Variants in LAD1 observed in about 807,000 individuals in gnomAD.
LAD1 encodes ladinin-1.
Under a neutral mutation model 54.2 loss-of-function variants are expected in LAD1, and 53 were observed. The ratio of observed to expected loss-of-function variants is 0.98; its 90% CI spans 0.78 to 1.23. The LOEUF is 1.23. LAD1 is among the 50% of genes most tolerant of loss of function. The pLI, the probability that LAD1 is intolerant of heterozygous loss-of-function variation, is 0.00. For missense variants in LAD1, 637 were observed against 653.3 expected (o/e 0.98, Z 0.27); for synonymous variants, 231 against 257.7 (o/e 0.90, Z 0.99).
intron 1 of LAD1, among the ~76,000 whole-genome samples, chr1:201,398,730 C>A (rs1433936785): frequency 1.3e-5 from 2 of 152,168 alleles, no homozygotes; most frequent in Non-Finnish European, 2.9e-5. Context: ...AGCCCAGATG[C>A]CACCCCAAAA....
chr1:201,386,226 G>A lies in LAD1; in HGVS notation c.1026+109C>T, dbSNP rs1246319641. The A allele has an allele frequency of 7.2e-6, 8 of 1,113,552 alleles. No homozygotes were observed. In the East Asian group the frequency reaches 1.9e-4, roughly 27 times the overall value. The allele number at this position is 1,113,552 out of a possible 1,614,324, so 69.0% of individuals were successfully genotyped here. On this transcript the variant is annotated intron_variant, in intron 3 of 9. Transcript: ENST00000391967. ...AGAGACTTCCAAGGCCAGCCTGCAG[G>A]TAGGAGGATGGAGGCAGCCAGGGAA... is the stretch of plus-strand genomic sequence containing the variant.
chr1:201,392,682 G>A (rs974553104), intron 1 of LAD1, among the ~76,000 whole-genome samples: 17 of 152,190 alleles, frequency 1.1e-4, no homozygotes, highest in African/African-American at 3.6e-4. Context: ...GGAGACCAGG[G>A]AAAGGACTTG....
chr1:201,386,864 G>A lies in LAD1; in HGVS notation c.497C>T (p.Pro166Leu). The change falls in exon 3 of 10, where the codon CCA becomes CTA. Residue 166 changes from proline to leucine, a missense_variant. By Grantham distance (98) the Pro-to-Leu change is moderately conservative (BLOSUM62 -3). Coordinates refer to ENST00000391967, the MANE Select transcript of LAD1 (RefSeq NM_005558.4). The part of the protein sequence containing the change: ...LEEESLVGRE[P>L]EERKKGVPEK... ...TGGAACCCCTTTCTTCCTCTCTTCT[G>A]GCTCCCTGCCCACCAAGCTCTCCTC... 3 of 1,610,864 alleles carry A rather than the reference G, an allele frequency of 1.9e-6. No homozygotes were observed. Among genetic ancestry groups the A allele is most frequent in the South Asian group, 1.1e-5 (1 of 90,884 alleles).
At chr1:201,388,558 C>G (rs1202263743) in intron 2 of LAD1, among the ~76,000 whole-genome samples, 27 of 150,814 alleles carry the variant, frequency 1.8e-4, no homozygotes, top group Admixed American at 1.8e-3. Context: ...TGGTGGGTGC[C>G]TGTAGTCCCA....
At chr1:201,387,330 C>G (rs1054203588) in intron 2 of LAD1, 152 bp from the exon 3 acceptor site, 2 of 663,052 alleles carry the variant, frequency 3.0e-6, no homozygotes, top group African/African-American at 3.6e-5. Context: ...TTTATCCACT[C>G]GATATATTGC....
At position 201,386,672 on chromosome 1, in the gene LAD1, T is replaced by A. The variant is rs1662095970; in HGVS notation, c.689A>T (p.Lys230Met). Residue 230 changes from lysine (K) to methionine (M), a missense_variant, in exon 3 of 10, where the codon AAG (lysine) becomes ATG (methionine). Transcript: ENST00000391967. ...VSEKRNSSEKKSVLEKTSVSE... is the reference protein window; with the variant it reads ...VSEKRNSSEKMSVLEKTSVSE... ...GACACTGGTTTTTTCTAGAACAGACTTCTTCTCTGAGCTGTTTCTTTTCTC... is the reference window on the plus strand; with the variant it reads ...GACACTGGTTTTTTCTAGAACAGACATCTTCTCTGAGCTGTTTCTTTTCTC... The A allele has an allele frequency of 6.2e-7, 1 of 1,614,202 alleles. No homozygotes were observed. Among genetic ancestry groups the A allele is most frequent in the Non-Finnish European group, 8.5e-7 (1 of 1,180,012 alleles).
At chr1:201,382,815 G>A (rs1661989794) in intron 7 of LAD1, 76 bp from the exon 8 acceptor site, 1 of 1,174,278 alleles carries the variant, frequency 8.5e-7, no homozygotes, top group Non-Finnish European at 1.2e-6. Context: ...CCTGGAATGG[G>A]ATAGGACTCT....
Position 201,384,852 on chromosome 1 carries a change from A to G in LAD1, c.1132-17T>C. The G allele has an allele frequency of 6.2e-7, 1 of 1,613,688 alleles. No individual in the cohort carries two copies. Among genetic ancestry groups the G allele is most frequent in the Non-Finnish European group, 8.5e-7 (1 of 1,179,946 alleles). ...GGGTTTCATCTGAAATGAGAAGGAA[A>G]GGCATTGTTGTGTGGGAGTCCCCGG... On this transcript the variant is annotated splice_polypyrimidine_tract_variant and intron_variant, in intron 4 of 9. Coordinates refer to ENST00000391967, the MANE Select transcript of LAD1 (RefSeq NM_005558.4).
chr1:201,389,738 C>T (rs1662165435), intron 1 of LAD1, among the ~76,000 whole-genome samples: 1 of 151,622 alleles, frequency 6.6e-6, no homozygotes, highest in Admixed American at 6.6e-5. Flanking sequence ...ACGAGAATCA[C>T]TTGAACCCAG....
intron 1 of LAD1, among the ~76,000 whole-genome samples, chr1:201,398,291 C>A (rs763337694): frequency 1.4e-4 from 22 of 152,174 alleles, no homozygotes; most frequent in Non-Finnish European, 2.5e-4. Flanking sequence ...CTGCACCTGG[C>A]AGAGATAGCC....
chr1:201,387,851 C>T (rs990046602), intron 2 of LAD1, among the ~76,000 whole-genome samples: 6 of 152,206 alleles, frequency 3.9e-5, no homozygotes, highest in African/African-American at 1.2e-4. Flanking sequence ...ACCTGGCCTC[C>T]AGCAAAAGGA....
In LAD1 at chr1:201,387,170, C is replaced by T. The variant is rs143280381; in HGVS notation, c.191G>A (p.Ser64Asn). 1.3e-3 allele frequency: 1,904 copies of T among 1,508,558 alleles called. 3 individuals are homozygous for T. The highest frequency in any genetic ancestry group is 9.0e-3 in the Middle Eastern group (50 of 5,564). The allele number at this position is 1,508,558 out of a possible 1,614,324, so 93.4% of individuals were successfully genotyped here. ...RQASASERLP[S>N]VEEAEVPKPL... ...CTTGGGCACCTCTGCTTCTTCCACG[C>T]TCGGTAGTCTGAATCAGAAGATGGG... The change falls in exon 3 of 10, where the codon AGC becomes AAC. Residue 64 changes from serine (S) to asparagine (N), a missense_variant. Ser to Asn is a conservative substitution (Grantham distance 46). Coordinates refer to ENST00000391967, the MANE Select transcript of LAD1 (RefSeq NM_005558.4).
intron 5 of LAD1, 148 bp from the exon 6 acceptor site, chr1:201,383,537 T>C: frequency 1.3e-6 from 1 of 762,168 alleles, no homozygotes; most frequent in Non-Finnish European, 2.3e-6. Flanking sequence ...CTGTGTTGAC[T>C]TGGCCAACAT....
intron 1 of LAD1, among the ~76,000 whole-genome samples, chr1:201,398,287 C>T (rs1423971519): frequency 6.6e-6 from 1 of 152,190 alleles, no homozygotes; most frequent in Non-Finnish European, 1.5e-5. Context: ...GGGTCTGCAC[C>T]TGGCAGAGAT....
intron 1 of LAD1, among the ~76,000 whole-genome samples, chr1:201,396,038 AAGCCTGGG>A (rs56284726): frequency 0.5 from 75,547 of 151,518 alleles, 20,232 homozygotes; most frequent in African/African-American, 0.72. Context: ...GCCCAGGGCA[AAGCCTGGG>A]AGCCTGGGAG....
chr1:201,389,186 T>C lies in LAD1; in HGVS notation c.156A>G (p.Gly52=). The change falls in exon 2 of 10, where the codon GGA becomes GGG. Residue 52 remains glycine, a synonymous_variant. Coordinates refer to ENST00000391967, the MANE Select transcript of LAD1 (RefSeq NM_005558.4). The part of the protein sequence containing the change: ...DDEAPRLSQN[G]DRQASASERL... ...TCTCAGAAGCAGAGGCCTGCCGGTC[T>C]CCATTCTGGCTGAGCCTGGGAGCCT... The C allele has an allele frequency of 6.2e-7, 1 of 1,614,176 alleles. No homozygotes were observed. Among genetic ancestry groups the C allele is most frequent in the Non-Finnish European group, 8.5e-7 (1 of 1,180,012 alleles).
chr1:201,389,710 T>C (rs1271861008), intron 1 of LAD1, among the ~76,000 whole-genome samples: 1 of 150,608 alleles, frequency 6.6e-6, no homozygotes, highest in East Asian at 2.0e-4. Flanking sequence ...TAGTCCCAGC[T>C]ACTGAGGAGG....
At chr1:201,383,591 A>C (rs1662013831) in intron 5 of LAD1, 1 of 620,406 alleles carries the variant, frequency 1.6e-6, no homozygotes, top group Admixed American at 2.6e-5. Flanking sequence ...CTTCCAAGAA[A>C]CGTCCCATTC....
intron 1 of LAD1, among the ~76,000 whole-genome samples, chr1:201,392,554 C>T: frequency 6.6e-6 from 1 of 152,178 alleles, no homozygotes; most frequent in South Asian, 2.1e-4. Context: ...GGAGGAGGAT[C>T]CAGCCAGTGC....
Sources: gnomAD v4.1 joint callset for allele counts (sites outside exome capture counted in the v4.1 genomes callset) on GRCh38, gnomAD v4.1.1 for gene constraint, MANE v1.5 for transcripts, NCBI Gene and HGNC (gene_info 2026-07-23, HGNC 2026-07-21) for gene names.